ENOX1: variants seen among roughly 807,000 people sequenced by gnomAD.
The protein encoded by ENOX1 is candidate growth-related and time keeping constitutive hydroquinone (NADH) oxidase.
ENOX1 carries 42 observed loss-of-function variants against 82.5 expected under a neutral mutation model. That is an observed-to-expected ratio of 0.51 (90% confidence interval 0.40 to 0.66). The LOEUF (loss-of-function observed/expected upper bound fraction) is 0.66. Among genes scored for constraint, ENOX1 ranks in the 30% least tolerant of loss-of-function variants. ENOX1 has a pLI of 0.00. For missense variants in ENOX1, 608 were observed against 811.6 expected (o/e 0.75, Z 3.05); for synonymous variants, 271 against 282.2 (o/e 0.96, Z 0.40).
At chr13:43,354,251 C>G (rs925943664) in intron 8 of ENOX1, among the ~76,000 whole-genome samples, 5 of 152,220 alleles carry the variant, frequency 3.3e-5, no homozygotes, top group African/African-American at 1.2e-4. Flanking sequence ...ATATCTGTAT[C>G]TGCACTGCAT....
At chr13:43,745,182 T>C (rs1949954744) in intron 1 of ENOX1, among the ~76,000 whole-genome samples, 1 of 152,114 alleles carries the variant, frequency 6.6e-6, no homozygotes, top group South Asian at 2.1e-4. Flanking sequence ...AATAGAAAGT[T>C]TGAAGTGGTG....
At chr13:43,588,653 AC>A (rs1478417224) in intron 2 of ENOX1, among the ~76,000 whole-genome samples, 16 of 152,314 alleles carry the variant, frequency 1.1e-4, no homozygotes, top group Non-Finnish European at 2.4e-4. Context: ...TTTCCTCATT[AC>A]TGTGTCAGAT....
intron 1 of ENOX1, among the ~76,000 whole-genome samples, chr13:43,685,599 GA>G (rs375959288): frequency 5.9e-5 from 9 of 152,122 alleles, no homozygotes; most frequent in African/African-American, 2.2e-4. Flanking sequence ...AATTCTGAAA[GA>G]AAGGCATTAT....
chr13:43,270,297 T>A (rs1478445299), intron 12 of ENOX1, among the ~76,000 whole-genome samples: 1 of 152,134 alleles, frequency 6.6e-6, no homozygotes, highest in African/African-American at 2.4e-5. Flanking sequence ...AATATATACA[T>A]AGGCTGGAGA....
At chr13:43,513,991 C>T (rs2077468763) in intron 2 of ENOX1, among the ~76,000 whole-genome samples, 1 of 152,064 alleles carries the variant, frequency 6.6e-6, no homozygotes, top group Non-Finnish European at 1.5e-5. Flanking sequence ...TGTTCAGGTA[C>T]ATTTATATAC....
At chr13:43,240,638 G>A (rs2042776772) in intron 14 of ENOX1, among the ~76,000 whole-genome samples, 1 of 152,200 alleles carries the variant, frequency 6.6e-6, no homozygotes, top group African/African-American at 2.4e-5. Context: ...CAGTGAATAG[G>A]CAAATGGAGA....
intron 1 of ENOX1, among the ~76,000 whole-genome samples, chr13:43,756,974 A>ACAACAAC (rs201682546): frequency 7.0e-6 from 1 of 142,954 alleles, no homozygotes; most frequent in African/African-American, 2.7e-5. Context: ...AACAACAACA[A>ACAACAAC]AAAAAAAAAA....
chr13:43,622,226 C>T (rs2082765352), intron 2 of ENOX1, among the ~76,000 whole-genome samples: 1 of 152,212 alleles, frequency 6.6e-6, no homozygotes, highest in East Asian at 1.9e-4. Context: ...TAACTAACCT[C>T]CTGAATTCTT....
chr13:43,384,065 G>T (rs2052248841), intron 5 of ENOX1, among the ~76,000 whole-genome samples: 1 of 152,196 alleles, frequency 6.6e-6, no homozygotes, highest in African/African-American at 2.4e-5. Context: ...ACTTCAAACA[G>T]ATTACTTAGC....
intron 2 of ENOX1, among the ~76,000 whole-genome samples, chr13:43,664,018 T>C (rs2084856884): frequency 6.6e-6 from 1 of 152,206 alleles, no homozygotes; most frequent in Non-Finnish European, 1.5e-5. Flanking sequence ...TTAAGATTCC[T>C]ATTTTAACTG....
At chr13:43,544,317 C>A (rs1010006680) in intron 2 of ENOX1, 10 of 152,180 alleles carry the variant, frequency 6.6e-5, no homozygotes, top group African/African-American at 2.4e-4. Flanking sequence ...ATCTCCTTAT[C>A]TAGATTGTTG....
intron 14 of ENOX1, among the ~76,000 whole-genome samples, chr13:43,253,008 A>G (rs537219032): frequency 2.0e-5 from 3 of 152,222 alleles, no homozygotes; most frequent in Non-Finnish European, 4.4e-5. Context: ...CCCCAGGAAG[A>G]CCACCAAACA....
At chr13:43,342,352 T>C (rs1204322058) in intron 9 of ENOX1, among the ~76,000 whole-genome samples, 1 of 152,076 alleles carries the variant, frequency 6.6e-6, no homozygotes, top group South Asian at 2.1e-4. Context: ...AAGTCAGTTG[T>C]GGTGGTGGGA....
intron 2 of ENOX1, among the ~76,000 whole-genome samples, chr13:43,645,520 T>G (rs1490653941): frequency 6.6e-6 from 1 of 152,188 alleles, no homozygotes; most frequent in Non-Finnish European, 1.5e-5. Context: ...AATGTATACT[T>G]TCATTTACTA....
At chr13:43,770,147 G>T (rs1320435617) in intron 1 of ENOX1, among the ~76,000 whole-genome samples, 2 of 152,238 alleles carry the variant, frequency 1.3e-5, no homozygotes, top group Non-Finnish European at 2.9e-5. Context: ...TAGCTGCCTA[G>T]TCAGTGAGGC....
chr13:43,366,224 A>T (rs1161716385), intron 5 of ENOX1, among the ~76,000 whole-genome samples: 2 of 152,208 alleles, frequency 1.3e-5, no homozygotes, highest in Non-Finnish European at 2.9e-5. Context: ...AACATTTTAA[A>T]AAAGGTGATC....
intron 2 of ENOX1, among the ~76,000 whole-genome samples, chr13:43,573,584 C>T (rs1440563713): frequency 6.6e-6 from 1 of 152,148 alleles, no homozygotes; most frequent in East Asian, 1.9e-4. Flanking sequence ...TGTTCTCATG[C>T]CCTGCCATTA....
intron 2 of ENOX1, among the ~76,000 whole-genome samples, chr13:43,602,116 G>A (rs1352494668): frequency 6.6e-6 from 1 of 151,962 alleles, no homozygotes; most frequent in Non-Finnish European, 1.5e-5. Context: ...TAATTTTATT[G>A]TAGAAGAGTC....
Position 43,475,794 on chromosome 13 carries a change from C to CAAAA in ENOX1, c.-75+8211_-75+8214dup, listed in dbSNP as rs10624980. ...AATCATATACAAAAACATAACTGAC[C>CAAAA]AAAAAAAAAAAAAAAAAAAAAGAAA... On this transcript the variant is annotated intron_variant, in intron 3 of 16. Transcript: ENST00000690772. Among the ~76,000 whole-genome samples the CAAAA allele has an allele frequency of 4.3e-3, 302 of 70,784 alleles. 5 individuals are homozygous for CAAAA. Among genetic ancestry groups the CAAAA allele is most frequent in the African/African-American group, 7.1e-3 (115 of 16,228 alleles). The allele number at this position is 70,784 out of a possible 152,430, so 46.4% of individuals were successfully genotyped here.
Sources: allele counts gnomAD v4.1 joint callset (sites outside exome capture counted in the v4.1 genomes callset), GRCh38; gene constraint gnomAD v4.1.1; transcripts MANE v1.5; gene names NCBI Gene and HGNC (gene_info 2026-07-23, HGNC 2026-07-21).